P2RX7: variants seen among roughly 807,000 people sequenced by gnomAD.
P2RX7 encodes purinergic receptor P2X 7, also known as P2X purinoceptor 7.
In P2RX7, 62 loss-of-function variants were observed where a neutral mutation model predicts 71.6. The observed-to-expected ratio is 0.87, with a 90% confidence interval of 0.71 to 1.07. P2RX7 has a LOEUF of 1.07. Ranked by LOEUF, P2RX7 falls within the 50% of genes least tolerant of loss-of-function variation. The pLI is 0.00. For synonymous variants in P2RX7, 299 were observed against 283.3 expected (o/e 1.06, Z -0.56); for missense variants, 686 against 748.5 (o/e 0.92, Z 0.97).
rs1335527785 is a variant in P2RX7 at position 121,156,427 on chromosome 12, G to A, written c.363+280G>A. ...GGCAACCCTGCTCTTTCTATCTCTG[G>A]CTCTCTTCGCAGCTTATGACAATGG... On this transcript the variant is annotated intron_variant, in intron 3 of 12. Coordinates refer to ENST00000328963, the MANE Select transcript of P2RX7 (RefSeq NM_002562.6). Among the ~76,000 whole-genome samples the A allele has an allele frequency of 2.0e-5, 3 of 152,316 alleles. No homozygotes were observed. In the East Asian group the frequency reaches 5.8e-4, roughly 29 times the overall value.
intron 1 of P2RX7, among the ~76,000 whole-genome samples, chr12:121,148,085 G>A (rs994686492): frequency 6.6e-6 from 1 of 151,972 alleles, no homozygotes; most frequent in African/African-American, 2.4e-5. Flanking sequence ...TTGCAGCCAC[G>A]TTTGTAACAT....
chr12:121,167,673 C>A, intron 8 of P2RX7, 49 bp downstream of exon 8: 1 of 1,467,994 alleles, frequency 6.8e-7, no homozygotes, highest in Non-Finnish European at 9.1e-7. Context: ...AATCGCATTC[C>A]CAGGAACTGG....
Position 121,162,525 on chromosome 12 carries a change from G to C in P2RX7, c.533+5G>C, listed in dbSNP as rs147904440. On this transcript the variant is annotated splice_donor_5th_base_variant and intron_variant, in intron 5 of 12. Transcript: ENST00000328963. ...GGCAGTGGAAGAGGCCCCCCGGTGA[G>C]TCGCATGGGGAGACAGACACAGTGG... 1.2e-6 allele frequency: 2 copies of C among 1,611,700 alleles called. No homozygotes were observed. Among genetic ancestry groups the C allele is most frequent in the African/African-American group, 1.3e-5 (1 of 74,884 alleles).
At chr12:121,147,419 A>C (rs1366916234) in intron 1 of P2RX7, among the ~76,000 whole-genome samples, 1 of 152,230 alleles carries the variant, frequency 6.6e-6, no homozygotes, top group Non-Finnish European at 1.5e-5. Flanking sequence ...GCACATGGTA[A>C]GGACTATATT....
chr12:121,169,850 T>C (rs1439120629), intron 8 of P2RX7, among the ~76,000 whole-genome samples: 1 of 152,196 alleles, frequency 6.6e-6, no homozygotes, highest in African/African-American at 2.4e-5. Flanking sequence ...AGGTGGAGGC[T>C]GCAGTGAACC....
chr12:121,162,473 T>C lies in P2RX7; in HGVS notation c.486T>C (p.Cys162=). The C allele has an allele frequency of 2.5e-6, 4 of 1,613,878 alleles. No homozygotes were observed. Among genetic ancestry groups the C allele is most frequent in the Non-Finnish European group, 3.4e-6 (4 of 1,179,986 alleles). ...TGTATGAAGGGAACCAGAAGACCTG[T>C]GAAGTCTCTGCCTGGTGCCCCATCG... ...CVVYEGNQKT[C]EVSAWCPIEA... The change falls in exon 5 of 13, where the codon TGT becomes TGC. Residue 162 remains cysteine (C), a synonymous_variant. Coordinates refer to ENST00000328963, the MANE Select transcript of P2RX7 (RefSeq NM_002562.6).
At position 121,177,431 on chromosome 12, in the gene P2RX7, T is replaced by C; in HGVS notation, c.1173T>C (p.Ile391=). ...ACTACAGGAAGAAGTGCGAGTCCAT[T>C]GTGGAGCCAAAGCCGGTGAGGCCGC... The part of the protein sequence containing the change: ...EYYYRKKCES[I]VEPKPTLKYV... Residue 391 remains isoleucine (I), a synonymous_variant, in exon 11 of 13, where the codon ATT becomes ATC. Transcript: ENST00000328963. The C allele has an allele frequency of 6.2e-7, 1 of 1,613,244 alleles. No individual in the cohort carries two copies. The highest frequency in any genetic ancestry group is 8.5e-7 in the Non-Finnish European group (1 of 1,180,004).
intron 4 of P2RX7, chr12:121,162,215 C>A: frequency 7.4e-7 from 1 of 1,359,582 alleles, no homozygotes; most frequent in Admixed American, 3.1e-5. Flanking sequence ...TCTGTGTTCT[C>A]TCTGATCTTT....
At chr12:121,170,908 A>G (rs1301319436) in intron 8 of P2RX7, among the ~76,000 whole-genome samples, 2 of 152,230 alleles carry the variant, frequency 1.3e-5, no homozygotes, top group Non-Finnish European at 2.9e-5. Context: ...ACTTTCTAAA[A>G]CATAGGAAGT....
At chr12:121,171,955 G>A (rs552439949) in intron 8 of P2RX7, among the ~76,000 whole-genome samples, 5 of 149,708 alleles carry the variant, frequency 3.3e-5, no homozygotes, top group East Asian at 2.0e-4. Context: ...TCCGCCTCCC[G>A]GGTTCACACG....
intron 8 of P2RX7, among the ~76,000 whole-genome samples, chr12:121,171,219 A>C (rs1444357246): frequency 6.6e-6 from 1 of 152,090 alleles, no homozygotes; most frequent in Non-Finnish European, 1.5e-5. Flanking sequence ...ACTCGCTCTG[A>C]TGCTCTACGG....
intron 1 of P2RX7, among the ~76,000 whole-genome samples, chr12:121,142,688 C>T (rs532399756): frequency 3.9e-5 from 6 of 152,282 alleles, no homozygotes; most frequent in African/African-American, 1.4e-4. Context: ...ACATGGTCTT[C>T]TCCTCTTTGT....
chr12:121,170,823 T>C (rs1882036508), intron 8 of P2RX7, among the ~76,000 whole-genome samples: 2 of 152,176 alleles, frequency 1.3e-5, no homozygotes, highest in East Asian at 1.9e-4. Flanking sequence ...GATGAGTAAG[T>C]GGACAAGTTA....
At chr12:121,148,592 A>G (rs10849849) in intron 1 of P2RX7, among the ~76,000 whole-genome samples, 13,150 of 152,082 alleles carry the variant, frequency 0.086, 890 homozygotes, top group East Asian at 0.26. Flanking sequence ...CTGACCCCCA[A>G]AACTGCAAAA....
intron 1 of P2RX7, among the ~76,000 whole-genome samples, chr12:121,138,199 C>T (rs1386070223): frequency 6.6e-6 from 1 of 152,224 alleles, no homozygotes; most frequent in African/African-American, 2.4e-5. Flanking sequence ...TGTCCTCGGA[C>T]GTGGATGAAG....
intron 5 of P2RX7, among the ~76,000 whole-genome samples, chr12:121,165,075 C>T (rs1308618780): frequency 6.6e-6 from 1 of 152,086 alleles, no homozygotes; most frequent in African/African-American, 2.4e-5. Flanking sequence ...CCCACCAGGC[C>T]CCTCCTCTGG....
rs1444796629 is a variant in P2RX7 at position 121,183,081 on chromosome 12, G to T, written c.1291-1224G>T. ...AGTCCCAGCTACTCGGGAGGCTGAG[G>T]CAGGAGAATGGCGTGAACCCAGGAG... is the stretch of plus-strand genomic sequence containing the variant. On this transcript the variant is annotated intron_variant, in intron 12 of 12. Coordinates refer to ENST00000328963, the MANE Select transcript of P2RX7 (RefSeq NM_002562.6). Among the ~76,000 whole-genome samples, 7 of 151,882 alleles carry T rather than the reference G, an allele frequency of 4.6e-5. No homozygotes were observed. The East Asian group carries it at 5.8e-4, about 13-fold the overall frequency.
At chr12:121,168,150 C>A (rs574567895) in intron 8 of P2RX7, among the ~76,000 whole-genome samples, 2 of 151,958 alleles carry the variant, frequency 1.3e-5, no homozygotes, top group Non-Finnish European at 2.9e-5. Context: ...TGGTATTCTG[C>A]GGGGTTTTTC....
In P2RX7 at chr12:121,174,477, T is replaced by C. The variant is rs532505623; in HGVS notation, c.882-911T>C. On this transcript the variant is annotated intron_variant, in intron 8 of 12. Coordinates refer to ENST00000328963, the MANE Select transcript of P2RX7 (RefSeq NM_002562.6). ...TGGAGGCTGCAGTGAGCTCTGATCA[T>C]GCCAGTGCTCTCCAACCTGGGTGAC... is the stretch of plus-strand genomic sequence containing the variant. Among the ~76,000 whole-genome samples, 10 of 152,292 alleles carry C rather than the reference T, an allele frequency of 6.6e-5. No homozygotes were observed. In the East Asian group the frequency reaches 1.9e-3, roughly 29 times the overall value.
Sources: gnomAD v4.1 joint callset for allele counts (sites outside exome capture counted in the v4.1 genomes callset) on GRCh38, gnomAD v4.1.1 for gene constraint, MANE v1.5 for transcripts, NCBI Gene and HGNC (gene_info 2026-07-23, HGNC 2026-07-21) for gene names.